MVB12B: variants seen among roughly 807,000 people sequenced by gnomAD.
MVB12B encodes ESCRT-I complex subunit MVB12B.
Under a neutral mutation model 41.6 loss-of-function variants are expected in MVB12B, and 16 were observed. The observed-to-expected ratio is 0.38, with a 90% CI of 0.26 to 0.58. The LOEUF is 0.58. Among genes scored for constraint, MVB12B ranks in the 20% least tolerant of loss-of-function variants. The probability of loss-of-function intolerance (pLI) is 0.62; values close to 1 mark genes in which losing one functional copy is unlikely to be tolerated. For missense variants in MVB12B, 274 were observed against 380.2 expected, an observed-to-expected ratio of 0.72 and a Z score of 2.32; for synonymous variants, 133 against 139.7, an observed-to-expected ratio of 0.95 and a Z score of 0.34.
chr9:126,476,066 G>A (rs970504449), intron 7 of MVB12B, among the ~76,000 whole-genome samples: 6 of 152,230 alleles, frequency 3.9e-5, no homozygotes, highest in Non-Finnish European at 7.3e-5. Context: ...CACATGGGCC[G>A]AGGGGTGGAG....
intron 7 of MVB12B, among the ~76,000 whole-genome samples, chr9:126,444,464 G>A (rs1380929393): frequency 2.0e-5 from 3 of 152,032 alleles, no homozygotes; most frequent in Non-Finnish European, 2.9e-5. Flanking sequence ...AAGGTTGCCT[G>A]TGTTGAGCCA....
At chr9:126,405,510 G>T (rs1831393908) in intron 6 of MVB12B, among the ~76,000 whole-genome samples, 1 of 152,042 alleles carries the variant, frequency 6.6e-6, no homozygotes, top group Non-Finnish European at 1.5e-5. Context: ...TCTATTTGCA[G>T]GTAGCTCTGT....
rs531582605 is a variant in MVB12B at position 126,385,882 on chromosome 9, G to A, written c.313-680G>A. The stretch of plus-strand genomic sequence containing the variant: ...GCGTGTTTGCAAAGAATTCTCTCTC[G>A]CAATTACAGAATGGTGTACTGTCTT... On this transcript the variant is annotated intron_variant, in intron 3 of 9. Coordinates refer to ENST00000361171, the MANE Select transcript of MVB12B (RefSeq NM_033446.3). Among the ~76,000 whole-genome samples, 6 of 152,222 alleles carry A rather than the reference G, an allele frequency of 3.9e-5. No homozygotes were observed. The South Asian group carries it at 1.0e-3, about 26-fold the overall frequency.
rs1588104172 is a variant in MVB12B at position 126,359,187 on chromosome 9, T to A, written c.204+18557T>A. 2.0e-5 allele frequency among the ~76,000 whole-genome samples: 3 copies of A among 152,098 alleles called. No individual in the cohort carries two copies. In the East Asian group the frequency reaches 5.8e-4, roughly 29 times the overall value. ...GCCCAGCCTGGGTTTTCTCTTTTAA[T>A]CATTTAATATAATGAAATACACTGA... On this transcript the variant is annotated intron_variant, in intron 2 of 9. Transcript: ENST00000361171.
At chr9:126,431,893 G>A (rs866229286) in intron 7 of MVB12B, among the ~76,000 whole-genome samples, 3 of 152,114 alleles carry the variant, frequency 2.0e-5, no homozygotes, top group African/African-American at 7.2e-5. Flanking sequence ...GCAATAGGTC[G>A]GCTCATTCTT....
chr9:126,419,101 T>G (rs1168244125), intron 6 of MVB12B, among the ~76,000 whole-genome samples: 1 of 152,218 alleles, frequency 6.6e-6, no homozygotes, highest in African/African-American at 2.4e-5. Context: ...AAAGTTCTGC[T>G]AATGCTCCTG....
At chr9:126,433,523 T>C (rs1269282033) in intron 7 of MVB12B, among the ~76,000 whole-genome samples, 1 of 152,080 alleles carries the variant, frequency 6.6e-6, no homozygotes, top group African/African-American at 2.4e-5. Context: ...GACCCCCAAG[T>C]GTTCTTCTCC....
chr9:126,471,337 G>A (rs1275548901), intron 7 of MVB12B, among the ~76,000 whole-genome samples: 1 of 152,228 alleles, frequency 6.6e-6, no homozygotes, highest in Non-Finnish European at 1.5e-5. Context: ...CAAGCACTGG[G>A]CCCAGCTCGG....
intron 6 of MVB12B, among the ~76,000 whole-genome samples, chr9:126,403,736 A>T (rs16928974): frequency 0.11 from 17,442 of 152,178 alleles, 1,079 homozygotes; most frequent in African/African-American, 0.14. Context: ...TGGCCCCAAG[A>T]TGGTAAAGAA....
chr9:126,396,434 G>A, intron 6 of MVB12B: 1 of 985,540 alleles, frequency 1.0e-6, no homozygotes, highest in Non-Finnish European at 1.2e-6. Context: ...CGGTGAGGCA[G>A]CAACACTTAG....
intron 4 of MVB12B, among the ~76,000 whole-genome samples, chr9:126,387,384 A>G (rs1830827443): frequency 6.6e-6 from 1 of 152,262 alleles, no homozygotes. Context: ...TACAAAACAA[A>G]TACAGAGAAT....
intron 9 of MVB12B, among the ~76,000 whole-genome samples, chr9:126,489,788 T>TA (rs1833694885): frequency 6.6e-6 from 1 of 152,158 alleles, no homozygotes; most frequent in African/African-American, 2.4e-5. Flanking sequence ...AGGGCCCGCA[T>TA]ACATGAGTCC....
At chr9:126,489,677 A>G (rs7863856) in intron 9 of MVB12B, among the ~76,000 whole-genome samples, 36,768 of 152,154 alleles carry the variant, frequency 0.24, 4,763 homozygotes, top group Non-Finnish European at 0.29. Flanking sequence ...CTGGCTCCCC[A>G]TGACAGAGCA....
chr9:126,384,130 A>T (rs541012602), intron 3 of MVB12B, among the ~76,000 whole-genome samples: 270 of 152,074 alleles, frequency 1.8e-3, no homozygotes, highest in Non-Finnish European at 3.3e-3. Context: ...AGACCAGGCG[A>T]CTCTGAAAGC....
chr9:126,429,129 C>T (rs890767285), intron 7 of MVB12B, among the ~76,000 whole-genome samples: 1 of 152,086 alleles, frequency 6.6e-6, no homozygotes, highest in Non-Finnish European at 1.5e-5. Flanking sequence ...GTGCTTGAAC[C>T]AAGGAGGAAA....
At chr9:126,410,959 C>T (rs1229227298) in intron 6 of MVB12B, among the ~76,000 whole-genome samples, 3 of 149,658 alleles carry the variant, frequency 2.0e-5, no homozygotes, top group African/African-American at 7.4e-5. Context: ...GTGATCTCTG[C>T]TTACTGCAGC....
intron 1 of MVB12B, among the ~76,000 whole-genome samples, chr9:126,330,685 A>G: frequency 6.6e-6 from 1 of 152,272 alleles, no homozygotes; most frequent in East Asian, 1.9e-4. Flanking sequence ...GCACATTCAC[A>G]CTGTGGTGCA....
chr9:126,466,953 G>A (rs969959055), intron 7 of MVB12B, among the ~76,000 whole-genome samples: 10 of 151,786 alleles, frequency 6.6e-5, no homozygotes, highest in African/African-American at 1.5e-4. Context: ...TCAGCCTCCC[G>A]AGTAGCTGGG....
chr9:126,335,125 A>G, intron 1 of MVB12B: 1 of 702,042 alleles, frequency 1.4e-6, no homozygotes, highest in Non-Finnish European at 1.9e-6. Flanking sequence ...GAGAGCTTAG[A>G]AAAATATTTG....
Sources: allele counts gnomAD v4.1 joint callset (sites outside exome capture counted in the v4.1 genomes callset), GRCh38; gene constraint gnomAD v4.1.1; transcripts MANE v1.5; gene names NCBI Gene and HGNC (gene_info 2026-07-23, HGNC 2026-07-21).